PIRT: variants seen among roughly 807,000 people sequenced by gnomAD.
PIRT encodes phosphoinositide-interacting protein.
Under a neutral mutation model 7.9 loss-of-function variants are expected in PIRT, and 6 were observed. The observed-to-expected ratio is 0.76, with a 90% CI of 0.42 to 1.51. The LOEUF is 1.51. Ranked by LOEUF, PIRT falls within the 40% of genes most tolerant of loss-of-function variation. The pLI, the probability that PIRT is intolerant of heterozygous loss-of-function variation, is 0.01. For missense variants in PIRT, 170 were observed against 172.9 expected, an observed-to-expected ratio of 0.98 and a Z score of 0.09; for synonymous variants, 78 against 71.8, an observed-to-expected ratio of 1.09 and a Z score of -0.44.
In PIRT at chr17:10,825,162, A is replaced by T. The variant is rs1398064948; in HGVS notation, c.*70T>A. ...AGTTTTATGGCACCCCACAGAGGAG[A>T]CAGGGATGTCGGATGTTGGTCATCA... is the stretch of plus-strand genomic sequence containing the variant. On this transcript the variant is annotated 3_prime_UTR_variant, in exon 2 of 2. Transcript: ENST00000580256. The T allele has an allele frequency of 2.6e-6, 4 of 1,543,998 alleles. No individual in the cohort carries two copies. Among genetic ancestry groups the T allele is most frequent in the Admixed American group, 3.6e-5 (2 of 55,128 alleles).
intron 1 of PIRT, among the ~76,000 whole-genome samples, chr17:10,834,943 C>T (rs560409414): frequency 3.3e-5 from 5 of 151,550 alleles, no homozygotes; most frequent in South Asian, 2.1e-4. Context: ...TGACTAGCAC[C>T]GCTTTACCAA....
rs1905233818 is a variant in PIRT at position 10,822,744 on chromosome 17, T to C, written c.*2488A>G. ...TGGGGTAACAGGCATTGGCAAAAAA[T>C]GTCCTGCCTCAGTGTGACCCTGGAA... On this transcript the variant is annotated 3_prime_UTR_variant, in exon 2 of 2. Coordinates refer to ENST00000580256, the MANE Select transcript of PIRT (RefSeq NM_001101387.2). 1.3e-5 allele frequency: 2 copies of C among 152,258 alleles called. No individual in the cohort carries two copies. Among genetic ancestry groups the C allele is most frequent in the East Asian group, 3.9e-4 (2 of 5,174 alleles). The allele number at this position is 152,258 out of a possible 1,614,324, so 9.4% of individuals were successfully genotyped here.
intron 1 of PIRT, among the ~76,000 whole-genome samples, chr17:10,828,403 C>T (rs1021143091): frequency 1.3e-5 from 2 of 152,152 alleles, no homozygotes; most frequent in African/African-American, 4.8e-5. Context: ...AAGAATCCTG[C>T]GATTCCTCCT....
intron 1 of PIRT, among the ~76,000 whole-genome samples, chr17:10,830,106 C>G (rs1567616490): frequency 6.6e-6 from 1 of 152,082 alleles, no homozygotes; most frequent in African/African-American, 2.4e-5. Flanking sequence ...AGTGAATGGG[C>G]AGGGAGGCAC....
rs894185543 is a variant in PIRT at position 10,824,216 on chromosome 17, C to G, written c.*1016G>C. The G allele has an allele frequency of 6.6e-6, 1 of 152,184 alleles. No homozygotes were observed. The highest frequency in any genetic ancestry group is 1.5e-5 in the Non-Finnish European group (1 of 68,046). 9.4% of individuals were successfully genotyped at this position (152,184 alleles called of 1,614,324 possible). On this transcript the variant is annotated 3_prime_UTR_variant, in exon 2 of 2. Coordinates refer to ENST00000580256, the MANE Select transcript of PIRT (RefSeq NM_001101387.2). ...CCCAGCCAGGGCTTATCCCAGAATG[C>G]GACACTTAATAAATGTTGGCTTTTT...
intron 1 of PIRT, among the ~76,000 whole-genome samples, chr17:10,834,497 C>T (rs73289643): frequency 0.067 from 10,128 of 152,190 alleles, 995 homozygotes; most frequent in African/African-American, 0.21. Context: ...AGGAAATTTC[C>T]CAGGGTCGAT....
At chr17:10,835,209 G>GC in intron 1 of PIRT, among the ~76,000 whole-genome samples, 1 of 152,162 alleles carries the variant, frequency 6.6e-6, no homozygotes, top group Non-Finnish European at 1.5e-5. Context: ...CTTCTCCAAA[G>GC]CCAAAGAAGC....
chr17:10,837,296 C>T (rs1399699819), intron 1 of PIRT, among the ~76,000 whole-genome samples: 2 of 152,234 alleles, frequency 1.3e-5, no homozygotes, highest in African/African-American at 2.4e-5. Context: ...AGGGTTCTCA[C>T]GGCACACAGT....
rs1260490616 is a variant in PIRT, at chr17:10,824,483, A to G, written c.*749T>C. 3 of 152,362 alleles carry G rather than the reference A, an allele frequency of 2.0e-5. No individual in the cohort carries two copies. The highest frequency in any genetic ancestry group is 4.8e-5 in the African/African-American group (2 of 41,576). 9.4% of individuals were successfully genotyped at this position (152,362 alleles called of 1,614,324 possible). A position where few individuals can be genotyped will look rare whatever the true frequency, so the allele number is the denominator to read the frequency against. ...ACATGCATTTTGTCCTTGGCTAATG[A>G]TCAAGTTCAGAGAAGACAGTGGTCA... On this transcript the variant is annotated 3_prime_UTR_variant, in exon 2 of 2. Transcript: ENST00000580256.
intron 1 of PIRT, among the ~76,000 whole-genome samples, chr17:10,837,657 G>A (rs568293983): frequency 1.3e-5 from 2 of 152,152 alleles, no homozygotes; most frequent in Non-Finnish European, 2.9e-5. Flanking sequence ...TGCTATAGAC[G>A]CAGGACTGAA....
rs1176486193 is a variant in PIRT at position 10,823,691 on chromosome 17, T to A, written c.*1541A>T. 1 of 152,250 alleles carries A rather than the reference T, an allele frequency of 6.6e-6. No individual in the cohort carries two copies. The highest frequency in any genetic ancestry group is 1.5e-5 in the Non-Finnish European group (1 of 68,088). 9.4% of individuals were successfully genotyped at this position (152,250 alleles called of 1,614,324 possible). A position where few individuals can be genotyped will look rare whatever the true frequency, so the allele number is the denominator to read the frequency against. On this transcript the variant is annotated 3_prime_UTR_variant, in exon 2 of 2. Transcript: ENST00000580256. ...CAGGTACTGCTTCTGTTCTTTCACC[T>A]ACGGGCCTCTTGGTTGCCACAGGGA...
At chr17:10,826,998 G>A (rs4299188) in intron 1 of PIRT, among the ~76,000 whole-genome samples, 5,313 of 152,206 alleles carry the variant, frequency 0.035, 119 homozygotes, top group Middle Eastern at 0.061. Context: ...TTTTAGTAGA[G>A]ATGGGGTTTC....
chr17:10,832,741 A>T (rs1223422432), intron 1 of PIRT, among the ~76,000 whole-genome samples: 1 of 152,254 alleles, frequency 6.6e-6, no homozygotes, highest in Non-Finnish European at 1.5e-5. Context: ...TCTCAGCCTC[A>T]GTGTGAACCA....
At chr17:10,836,441 C>T (rs1203650202) in intron 1 of PIRT, among the ~76,000 whole-genome samples, 2 of 152,202 alleles carry the variant, frequency 1.3e-5, no homozygotes, top group East Asian at 1.9e-4. Flanking sequence ...ACAGTTCAGC[C>T]TCAGATCAAC....
rs551323496 is a variant in PIRT at position 10,825,726 on chromosome 17, T to C, written c.-81A>G. 8.1e-5 allele frequency: 111 copies of C among 1,365,330 alleles called. No homozygotes were observed. Among genetic ancestry groups the C allele is most frequent in the Admixed American group, 1.6e-4 (5 of 32,182 alleles). 84.6% of individuals were successfully genotyped at this position (1,365,330 alleles called of 1,614,324 possible). Reference sequence around the variant, plus strand: ...CAAAGGAATCCTCACACACCCTTCCTGTACTCAGCATCCATCTCTAGCCCC... The same window carrying C: ...CAAAGGAATCCTCACACACCCTTCCCGTACTCAGCATCCATCTCTAGCCCC... On this transcript the variant is annotated 5_prime_UTR_variant, in exon 2 of 2. Transcript: ENST00000580256.
In PIRT at chr17:10,824,899, A is replaced by C. The variant is rs1031388041; in HGVS notation, c.*333T>G. The C allele has an allele frequency of 3.3e-6, 1 of 304,018 alleles. No homozygotes were observed. 18.8% of individuals were successfully genotyped at this position (304,018 alleles called of 1,614,324 possible). A position where few individuals can be genotyped will look rare whatever the true frequency, so the allele number is the denominator to read the frequency against. ...TGAGGTTCTCCCTTGGGCATAGCCC[A>C]CCTTCGAAGAATTTCCCAGCATGCA... On this transcript the variant is annotated 3_prime_UTR_variant, in exon 2 of 2. Coordinates refer to ENST00000580256, the MANE Select transcript of PIRT (RefSeq NM_001101387.2).
chr17:10,830,405 G>A (rs778746715), intron 1 of PIRT, among the ~76,000 whole-genome samples: 1 of 152,188 alleles, frequency 6.6e-6, no homozygotes, highest in Non-Finnish European at 1.5e-5. Context: ...TTTGAACACA[G>A]TTTGCCACTT....
chr17:10,828,682 T>C (rs1218240986), intron 1 of PIRT, among the ~76,000 whole-genome samples: 3 of 152,160 alleles, frequency 2.0e-5, no homozygotes, highest in African/African-American at 7.2e-5. Context: ...ACTGAATGCG[T>C]TCTCCTTCAA....
chr17:10,832,235 C>A (rs1165043985), intron 1 of PIRT, among the ~76,000 whole-genome samples: 1 of 152,012 alleles, frequency 6.6e-6, no homozygotes, highest in East Asian at 1.9e-4. Context: ...TCTTGTTGCC[C>A]AGGCTGGAGT....
Sources: gnomAD v4.1 joint callset for allele counts (sites outside exome capture counted in the v4.1 genomes callset) on GRCh38, gnomAD v4.1.1 for gene constraint, MANE v1.5 for transcripts, NCBI Gene and HGNC (gene_info 2026-07-23, HGNC 2026-07-21) for gene names.